TG: variants seen among roughly 807,000 people sequenced by gnomAD.
TG encodes thyroglobulin, also known as thyroid hormones.
In TG, 270 loss-of-function variants were observed where a neutral mutation model predicts 324.7. The ratio of observed to expected loss-of-function variants is 0.83; its 90% confidence interval spans 0.75 to 0.92. TG has a LOEUF of 0.92. TG is among the 40% of genes least tolerant of loss of function. The probability of loss-of-function intolerance (pLI) is 0.00; values close to 1 mark genes in which losing one functional copy is unlikely to be tolerated. For missense variants in TG, 3,591 were observed against 3,456.4 expected (o/e 1.04, Z -0.98); for synonymous variants, 1,401 against 1,327.0 (o/e 1.06, Z -1.21).
At chr8:133,057,789 A>G (rs1004736285) in intron 41 of TG, among the ~76,000 whole-genome samples, 2 of 150,724 alleles carry the variant, frequency 1.3e-5, no homozygotes, top group Non-Finnish European at 3.0e-5. Context: ...AAAAAAAAAC[A>G]AAAAAACAGA....
chr8:132,968,778 T>A (rs1829019791), intron 31 of TG, among the ~76,000 whole-genome samples: 1 of 152,226 alleles, frequency 6.6e-6, no homozygotes, highest in Non-Finnish European at 1.5e-5. Flanking sequence ...TCTCAACACC[T>A]GGCCTTGGGG....
At chr8:133,099,702 C>G (rs1848961994) in intron 43 of TG, among the ~76,000 whole-genome samples, 1 of 152,184 alleles carries the variant, frequency 6.6e-6, no homozygotes, top group South Asian at 2.1e-4. Context: ...ACAACTCATC[C>G]TTCTGTACTC....
intron 26 of TG, among the ~76,000 whole-genome samples, chr8:132,945,812 T>C (rs1825185942): frequency 6.6e-6 from 1 of 152,066 alleles, no homozygotes; most frequent in Non-Finnish European, 1.5e-5. Flanking sequence ...GGTGAGGAAG[T>C]TGTCAACAGT....
At position 132,963,027 on chromosome 8, in the gene TG, G is replaced by C. The variant is rs976168958; in HGVS notation, c.5501G>C (p.Gly1834Ala). ...SDMGSRPESMGCRKDTVPRPA... is the reference protein window; with the variant it reads ...SDMGSRPESMACRKDTVPRPA... ...ATGGGGTCTCGGCCTGAGTCTATGG[G>C]ATGTAGAAAAGACACAGTGCCAAGG... is the stretch of plus-strand genomic sequence containing the variant. The change falls in exon 29 of 48, where the codon GGA becomes GCA. Residue 1834 changes from glycine to alanine, a missense_variant. Physicochemically the swap from Gly to Ala is moderately conservative, Grantham distance 60. Coordinates refer to ENST00000220616, the MANE Select transcript of TG (RefSeq NM_003235.5). 6.2e-7 allele frequency: 1 copy of C among 1,613,862 alleles called. No homozygotes were observed. Among genetic ancestry groups the C allele is most frequent in the Admixed American group, 1.7e-5 (1 of 59,988 alleles).
chr8:133,092,205 T>C (rs562206134), intron 41 of TG, among the ~76,000 whole-genome samples: 12 of 152,154 alleles, frequency 7.9e-5, no homozygotes, highest in Admixed American at 3.3e-4. Context: ...CATCTGTGGT[T>C]GTGTGTGTGG....
In TG at chr8:132,888,417, G is replaced by T. The variant is rs2229843; in HGVS notation, c.2610G>T (p.Gln870His). ...TCCTGGAGCCCTACCTCTTCTGGCAGATCTTAAATGGCCAACTCAGCCAAT... is the reference window on the plus strand; with the variant it reads ...TCCTGGAGCCCTACCTCTTCTGGCATATCTTAAATGGCCAACTCAGCCAAT... ...NILLEPYLFW[Q>H]ILNGQLSQYP... The change falls in exon 10 of 48, where the codon CAG (glutamine) becomes CAT (histidine). Residue 870 changes from glutamine (Q) to histidine (H), a missense_variant. Coordinates refer to ENST00000220616, the MANE Select transcript of TG (RefSeq NM_003235.5). 4.5e-3 allele frequency: 7,302 copies of T among 1,613,570 alleles called. 35 individuals carry two copies. The highest frequency in any genetic ancestry group is 5.4e-3 in the Non-Finnish European group (6,393 of 1,179,538).
At position 132,949,095 on chromosome 8, in the gene TG, C is replaced by T. The variant is rs527837819; in HGVS notation, c.5401+152C>T. 1,305 of 736,988 alleles carry T rather than the reference C, an allele frequency of 1.8e-3. 4 individuals are homozygous for T. Among genetic ancestry groups the T allele is most frequent in the Non-Finnish European group, 1.7e-3 (754 of 444,418 alleles). 45.7% of individuals were successfully genotyped at this position (736,988 alleles called of 1,614,324 possible). A position where few individuals can be genotyped will look rare whatever the true frequency, so the allele number is the denominator to read the frequency against. On this transcript the variant is annotated intron_variant, in intron 27 of 47. Coordinates refer to ENST00000220616, the MANE Select transcript of TG (RefSeq NM_003235.5). Reference sequence around the variant, plus strand: ...CTTTACCAATCATACTGGATGGAAACAACCCTAGCTTTTCAGCAGAACTCT... The same window carrying T: ...CTTTACCAATCATACTGGATGGAAATAACCCTAGCTTTTCAGCAGAACTCT...
At chr8:132,911,325 A>C (rs1819493788) in intron 18 of TG, 52 bp from the exon 19 acceptor site, 6 of 1,614,026 alleles carry the variant, frequency 3.7e-6, no homozygotes, top group Non-Finnish European at 5.1e-6. Context: ...GACCCAACAA[A>C]ACTAGCTTTC....
intron 5 of TG, among the ~76,000 whole-genome samples, chr8:132,876,636 T>A (rs1813840794): frequency 6.6e-6 from 1 of 152,190 alleles, no homozygotes. Context: ...GGCTACTGCT[T>A]ACAATATCTG....
intron 29 of TG, chr8:132,964,915 A>G (rs774982596): frequency 2.1e-4 from 148 of 702,190 alleles, no homozygotes; most frequent in Non-Finnish European, 3.1e-4. Context: ...GGCCAGAAGG[A>G]TCTGCCAGAT....
At chr8:132,997,130 A>T (rs1564056418) in intron 35 of TG, among the ~76,000 whole-genome samples, 1 of 152,196 alleles carries the variant, frequency 6.6e-6, no homozygotes, top group African/African-American at 2.4e-5. Flanking sequence ...TCCTTGTATA[A>T]TGTCCTTTCT....
In TG at chr8:132,868,288, C is replaced by T. The variant is rs544198215; in HGVS notation, c.176+65C>T. ...TGCCATAAAAAGCATCTTGTGCCTT[C>T]CCCCCTCTTCCTGAGCTCTGCCCTG... is the stretch of plus-strand genomic sequence containing the variant. On this transcript the variant is annotated intron_variant, in intron 2 of 47. Coordinates refer to ENST00000220616, the MANE Select transcript of TG (RefSeq NM_003235.5). 20 of 1,418,938 alleles carry T rather than the reference C, an allele frequency of 1.4e-5. No individual in the cohort carries two copies. The African/African-American group carries it at 2.1e-4, about 15-fold the overall frequency. 87.9% of individuals were successfully genotyped at this position (1,418,938 alleles called of 1,614,324 possible).
intron 41 of TG, among the ~76,000 whole-genome samples, chr8:133,039,609 A>T (rs1054371373): frequency 6.6e-6 from 1 of 152,224 alleles, no homozygotes; most frequent in African/African-American, 2.4e-5. Flanking sequence ...GATTCTGCTG[A>T]TGTGTTTAAG....
rs767392364 is a variant in TG at position 132,972,578 on chromosome 8, T to G, written c.6056-20T>G. The G allele has an allele frequency of 1.9e-6, 3 of 1,562,262 alleles. No individual in the cohort carries two copies. The highest frequency in any genetic ancestry group is 1.7e-5 in the Admixed American group (1 of 57,492). On this transcript the variant is annotated intron_variant, in intron 33 of 47. Transcript: ENST00000220616. ...CAGTTTCCTGATTGTGGTTTTTTGT[T>G]TTTTTTTTTTCCACCCCAGGAGGAG...
At chr8:132,916,304 GTT>G (rs1179389737) in intron 20 of TG, among the ~76,000 whole-genome samples, 1 of 152,196 alleles carries the variant, frequency 6.6e-6, no homozygotes, top group Non-Finnish European at 1.5e-5. Context: ...TTGGCGAATG[GTT>G]TGTTGTGAAA....
intron 34 of TG, among the ~76,000 whole-genome samples, chr8:132,982,648 A>G (rs1831027115): frequency 6.6e-6 from 1 of 152,162 alleles, no homozygotes; most frequent in African/African-American, 2.4e-5. Flanking sequence ...AGCAGCTGGC[A>G]TTTGCTGAGC....
chr8:132,927,599 C>A (rs1372082424), intron 22 of TG, among the ~76,000 whole-genome samples: 1 of 152,204 alleles, frequency 6.6e-6, no homozygotes, highest in Non-Finnish European at 1.5e-5. Flanking sequence ...TGGATTGTTT[C>A]TGTTCTGCTT....
chr8:132,891,803 A>C (rs545501202), intron 10 of TG, among the ~76,000 whole-genome samples: 39 of 152,256 alleles, frequency 2.6e-4, no homozygotes, highest in Non-Finnish European at 5.0e-4. Flanking sequence ...GAACAAAAAA[A>C]CAATAACTTC....
At chr8:132,985,061 C>T (rs1831354742) in intron 35 of TG, among the ~76,000 whole-genome samples, 1 of 152,172 alleles carries the variant, frequency 6.6e-6, no homozygotes, top group Non-Finnish European at 1.5e-5. Context: ...CTCATCCTGG[C>T]CTCCGTGTTT....
Sources: allele counts gnomAD v4.1 joint callset (sites outside exome capture counted in the v4.1 genomes callset), GRCh38; gene constraint gnomAD v4.1.1; transcripts MANE v1.5; gene names NCBI Gene and HGNC (gene_info 2026-07-23, HGNC 2026-07-21).